The following SFSWAP variants were observed in gnomAD, a reference collection of about 807,000 sequenced individuals.
The protein encoded by SFSWAP is splicing factor SWAP, also known as splicing factor, suppressor of white-apricot homolog.
Under a neutral mutation model 100.7 loss-of-function variants are expected in SFSWAP, and 17 were observed. That is an observed-to-expected ratio of 0.17 (90% CI 0.12 to 0.25). The LOEUF (loss-of-function observed/expected upper bound fraction) is 0.25, where lower values mean the gene tolerates loss of function less well. Ranked by LOEUF, SFSWAP falls within the 10% of genes least tolerant of loss-of-function variation. SFSWAP has a pLI of 1.00. For synonymous variants in SFSWAP, 504 were observed against 510.1 expected, an observed-to-expected ratio of 0.99 and a Z score of 0.16; for missense variants, 1,005 against 1,262.6, an observed-to-expected ratio of 0.80 and a Z score of 3.09.
chr12:131,783,249 G>A (rs1458183281), intron 14 of SFSWAP, among the ~76,000 whole-genome samples: 3 of 150,400 alleles, frequency 2.0e-5, no homozygotes, highest in Non-Finnish European at 4.4e-5. Flanking sequence ...TTTTGATATT[G>A]TATCTGGTTC....
rs184144630 is a variant in SFSWAP at position 131,769,020 on chromosome 12, G to A, written c.2142+2712G>A. ...AGCATGCCTGTAATCCCAGCTACTC[G>A]GGAGGCTGAGGCAGGAGAATCTCTT... On this transcript the variant is annotated intron_variant, in intron 13 of 17. Transcript: ENST00000261674. Among the ~76,000 whole-genome samples, 303 of 152,188 alleles carry A rather than the reference G, an allele frequency of 2.0e-3. 3 individuals carry two copies. Among genetic ancestry groups the A allele is most frequent in the African/African-American group, 6.7e-3 (277 of 41,492 alleles).
intron 1 of SFSWAP, chr12:131,712,684 C>T (rs1418888456): frequency 6.6e-6 from 1 of 152,186 alleles, no homozygotes; most frequent in Non-Finnish European, 1.5e-5. Flanking sequence ...AAGGGAGGGC[C>T]GCGGAATCAG....
intron 7 of SFSWAP, among the ~76,000 whole-genome samples, chr12:131,751,252 G>A (rs993543660): frequency 6.6e-6 from 1 of 152,330 alleles, no homozygotes; most frequent in African/African-American, 2.4e-5. Flanking sequence ...TGCATAATAT[G>A]TACTACTAGT....
At position 131,714,747 on chromosome 12, in the gene SFSWAP, A is replaced by T. The variant is rs1877720892; in HGVS notation, c.389-75A>T. On this transcript the variant is annotated intron_variant, in intron 2 of 17. Coordinates refer to ENST00000261674, the MANE Select transcript of SFSWAP (RefSeq NM_004592.4). The surrounding 1 kb of genome is among the most constrained non-coding windows in gnomAD (Gnocchi z 6.0). ...TATGTTGTATGCTTTACTGATAGCTACAACTTTAGAAATATATAAAGTTTT... is the reference window on the plus strand; with the variant it reads ...TATGTTGTATGCTTTACTGATAGCTTCAACTTTAGAAATATATAAAGTTTT... The T allele has an allele frequency of 7.1e-7, 1 of 1,401,658 alleles. No homozygotes were observed. The highest frequency in any genetic ancestry group is 1.0e-6 in the Non-Finnish European group (1 of 1,004,530). 86.8% of individuals were successfully genotyped at this position (1,401,658 alleles called of 1,614,324 possible).
chr12:131,784,956 T>C, intron 14 of SFSWAP: 1 of 738,514 alleles, frequency 1.4e-6, no homozygotes, highest in Non-Finnish European at 2.0e-6. Flanking sequence ...GAATTCTACG[T>C]GTAAGCATTC....
chr12:131,779,392 T>C (rs1438397870), intron 14 of SFSWAP, among the ~76,000 whole-genome samples: 1 of 152,024 alleles, frequency 6.6e-6, no homozygotes, highest in African/African-American at 2.4e-5. Flanking sequence ...GAGCCAGTTT[T>C]TCAGAAAGCA....
intron 7 of SFSWAP, among the ~76,000 whole-genome samples, chr12:131,751,973 G>C (rs929513867): frequency 1.3e-5 from 2 of 152,202 alleles, no homozygotes; most frequent in African/African-American, 4.8e-5. Flanking sequence ...GTGTAACATG[G>C]AGCTAGAGAA....
chr12:131,737,491 C>A (rs1320755603), intron 7 of SFSWAP, among the ~76,000 whole-genome samples: 1 of 152,182 alleles, frequency 6.6e-6, no homozygotes, highest in Non-Finnish European at 1.5e-5. Context: ...TGAGTTAATT[C>A]CTTACAACTC....
intron 17 of SFSWAP, 56 bp downstream of exon 17, chr12:131,799,165 TTC>T (rs1353481274): frequency 1.2e-5 from 17 of 1,394,490 alleles, no homozygotes; most frequent in Non-Finnish European, 1.6e-5. Context: ...GCCTCGTGGT[TTC>T]TCTGTTGCTA....
chr12:131,787,058 G>C (rs1430574052), intron 15 of SFSWAP, among the ~76,000 whole-genome samples: 5 of 152,154 alleles, frequency 3.3e-5, no homozygotes, highest in Non-Finnish European at 7.4e-5. Flanking sequence ...GTCCTGTTGG[G>C]GCCTAGAGGG....
At chr12:131,727,927 CTGAT>C (rs1405687785) in intron 6 of SFSWAP, among the ~76,000 whole-genome samples, 5 of 152,160 alleles carry the variant, frequency 3.3e-5, no homozygotes, top group African/African-American at 1.2e-4. Context: ...GGAATGATTG[CTGAT>C]TGATTGGACT....
At chr12:131,765,941 C>A (rs1399551939) in intron 12 of SFSWAP, among the ~76,000 whole-genome samples, 177 bp from the exon 13 acceptor site, 1 of 151,954 alleles carries the variant, frequency 6.6e-6, no homozygotes, top group Non-Finnish European at 1.5e-5. Context: ...AGTAAAATGT[C>A]CAAAAAAGGG....
At chr12:131,752,441 CA>C (rs1233868220) in intron 7 of SFSWAP, among the ~76,000 whole-genome samples, 1 of 152,206 alleles carries the variant, frequency 6.6e-6, no homozygotes, top group Non-Finnish European at 1.5e-5. Context: ...CTCTACCCTA[CA>C]GATACCTGCT....
chr12:131,718,546 A>G (rs1566002099), intron 3 of SFSWAP, among the ~76,000 whole-genome samples: 1 of 152,248 alleles, frequency 6.6e-6, no homozygotes, highest in Non-Finnish European at 1.5e-5. Context: ...TTGTTAAGTG[A>G]ATGGTTAATG....
intron 3 of SFSWAP, among the ~76,000 whole-genome samples, chr12:131,719,077 G>A (rs1278022186): frequency 1.3e-5 from 2 of 152,166 alleles, no homozygotes; most frequent in African/African-American, 4.8e-5. Context: ...CCGCATATAT[G>A]GAGGGTCAGC....
chr12:131,772,838 G>A (rs540486477), intron 13 of SFSWAP, among the ~76,000 whole-genome samples: 3 of 152,310 alleles, frequency 2.0e-5, no homozygotes, highest in East Asian at 3.9e-4. Context: ...TCACACGAAC[G>A]AATTAAAGGG....
chr12:131,746,673 A>G (rs1242466374), intron 7 of SFSWAP, among the ~76,000 whole-genome samples: 1 of 152,196 alleles, frequency 6.6e-6, no homozygotes, highest in Non-Finnish European at 1.5e-5. Flanking sequence ...AAATTCTTGG[A>G]TATCTGAAAA....
At chr12:131,783,054 G>A (rs1168960675) in intron 14 of SFSWAP, among the ~76,000 whole-genome samples, 4 of 151,914 alleles carry the variant, frequency 2.6e-5, no homozygotes, top group Non-Finnish European at 5.9e-5. Context: ...GTTGGTGTGC[G>A]CCTATAATCC....
intron 16 of SFSWAP, 144 bp from the exon 17 acceptor site, chr12:131,798,893 A>G (rs76616254): frequency 4.3e-6 from 2 of 467,810 alleles, no homozygotes; most frequent in South Asian, 2.9e-5. Context: ...CTTGTCTGGA[A>G]AAAAAAAAAA....
Sources: allele counts gnomAD v4.1 joint callset (sites outside exome capture counted in the v4.1 genomes callset), GRCh38; gene constraint gnomAD v4.1.1; non-coding constraint Gnocchi (gnomAD v3.1); transcripts MANE v1.5; gene names NCBI Gene and HGNC (gene_info 2026-07-23, HGNC 2026-07-21).